The following SH3D19 variants were observed in gnomAD, a reference collection of about 807,000 sequenced individuals.
SH3D19 encodes the protein SH3 domain-containing protein 19.
In SH3D19, 58 loss-of-function variants were observed where a neutral mutation model predicts 112.1. The observed-to-expected ratio is 0.52, with a 90% CI of 0.42 to 0.64. The LOEUF (loss-of-function observed/expected upper bound fraction) is 0.64, where lower values mean the gene tolerates loss of function less well. SH3D19 is among the 30% of genes least tolerant of loss of function. The probability of loss-of-function intolerance (pLI) is 0.00; values close to 1 mark genes in which losing one functional copy is unlikely to be tolerated. For missense variants in SH3D19, 1,090 were observed against 1,263.4 expected, an observed-to-expected ratio of 0.86 and a Z score of 2.08; for synonymous variants, 391 against 448.5, an observed-to-expected ratio of 0.87 and a Z score of 1.62.
intron 3 of SH3D19, among the ~76,000 whole-genome samples, chr4:151,180,929 A>ATTTTTTT (rs67090009): frequency 7.6e-6 from 1 of 132,050 alleles, no homozygotes; most frequent in Non-Finnish European, 1.6e-5. Flanking sequence ...ATGCCCGGCT[A>ATTTTTTT]TTTTTTTTTT....
intron 1 of SH3D19, chr4:151,265,975 C>T (rs1336404941): frequency 1.3e-5 from 2 of 152,070 alleles, no homozygotes; most frequent in Non-Finnish European, 2.9e-5. Context: ...ATTGCCCACC[C>T]CTTGCCCACA....
At chr4:151,309,783 A>G (rs929761656) in intron 1 of SH3D19, among the ~76,000 whole-genome samples, 1 of 150,594 alleles carries the variant, frequency 6.6e-6, no homozygotes, top group Admixed American at 6.6e-5. Context: ...TGAGTCCAGA[A>G]GTTCTAGGCC....
intron 13 of SH3D19, 60 bp downstream of exon 13, chr4:151,139,715 A>C: frequency 6.7e-7 from 1 of 1,486,550 alleles, no homozygotes; most frequent in African/African-American, 1.4e-5. Context: ...AACCCCCGGC[A>C]GGGAAAAAGA....
intron 1 of SH3D19, among the ~76,000 whole-genome samples, chr4:151,311,430 C>G (rs934103034): frequency 2.6e-5 from 4 of 151,914 alleles, no homozygotes; most frequent in African/African-American, 9.7e-5. Flanking sequence ...CTGCCACTTG[C>G]GACCACATGG....
At chr4:151,284,278 C>T (rs1168519308) in intron 1 of SH3D19, among the ~76,000 whole-genome samples, 4 of 152,070 alleles carry the variant, frequency 2.6e-5, no homozygotes, top group Non-Finnish European at 5.9e-5. Context: ...TCTCTCTGTT[C>T]TTCAAATTGG....
At chr4:151,147,205 G>C (rs901636493) in intron 11 of SH3D19, among the ~76,000 whole-genome samples, 3 of 152,212 alleles carry the variant, frequency 2.0e-5, no homozygotes, top group Non-Finnish European at 4.4e-5. Context: ...TATGATTGCA[G>C]CAGTGCACTA....
intron 15 of SH3D19, among the ~76,000 whole-genome samples, chr4:151,134,683 T>A (rs528304375): frequency 6.6e-6 from 1 of 152,358 alleles, no homozygotes; most frequent in South Asian, 2.1e-4. Flanking sequence ...TTTCTTTATG[T>A]CCTGCACTGA....
intron 2 of SH3D19, among the ~76,000 whole-genome samples, chr4:151,217,576 G>A (rs746685930): frequency 7.2e-5 from 11 of 152,004 alleles, no homozygotes; most frequent in African/African-American, 1.9e-4. Flanking sequence ...ACACCAGGAA[G>A]CTATCTGAGA....
chr4:151,250,883 C>T (rs7665657), intron 1 of SH3D19, among the ~76,000 whole-genome samples: 49,852 of 151,950 alleles, frequency 0.33, 9,487 homozygotes, highest in Non-Finnish European at 0.44. Context: ...TGGCTGGATA[C>T]GTCGTTAGCT....
At chr4:151,303,293 G>T (rs532969473) in intron 1 of SH3D19, among the ~76,000 whole-genome samples, 1 of 152,092 alleles carries the variant, frequency 6.6e-6, no homozygotes, top group African/African-American at 2.4e-5. Flanking sequence ...ATCTTCAGAG[G>T]AAACACAATT....
intron 1 of SH3D19, among the ~76,000 whole-genome samples, chr4:151,324,441 T>C (rs1312678884): frequency 6.6e-6 from 1 of 152,162 alleles, no homozygotes; most frequent in Non-Finnish European, 1.5e-5. Flanking sequence ...TGTTCTTCCC[T>C]CTTGTTTTCA....
intron 1 of SH3D19, among the ~76,000 whole-genome samples, chr4:151,265,069 TAATA>T (rs142255672): frequency 0.01 from 1,581 of 152,124 alleles, 26 homozygotes; most frequent in African/African-American, 0.036. Context: ...AATTACATAA[TAATA>T]AATTAATTAA....
At chr4:151,288,212 G>C (rs77440778) in intron 1 of SH3D19, among the ~76,000 whole-genome samples, 5,630 of 152,220 alleles carry the variant, frequency 0.037, 315 homozygotes, top group African/African-American at 0.13. Flanking sequence ...ATAAGGTCAG[G>C]AAAGAGACAA....
intron 4 of SH3D19, among the ~76,000 whole-genome samples, chr4:151,177,337 C>CTGT (rs1483286505): frequency 6.6e-6 from 1 of 152,092 alleles, no homozygotes; most frequent in Admixed American, 6.5e-5. Context: ...AATTGTTTTT[C>CTGT]TGTTATTATT....
intron 1 of SH3D19, among the ~76,000 whole-genome samples, chr4:151,254,806 C>G (rs538788057): frequency 5.3e-5 from 8 of 151,944 alleles, no homozygotes; most frequent in Admixed American, 2.0e-4. Flanking sequence ...CCGCCATTGT[C>G]ATCCTGGCCC....
intron 1 of SH3D19, among the ~76,000 whole-genome samples, chr4:151,237,057 G>A (rs116654869): frequency 0.02 from 3,052 of 152,268 alleles, 58 homozygotes; most frequent in Middle Eastern, 0.034. Flanking sequence ...GATAAACCTT[G>A]CTGCTGCTCA....
intron 7 of SH3D19, among the ~76,000 whole-genome samples, chr4:151,167,352 A>G (rs1758218086): frequency 6.6e-6 from 1 of 151,930 alleles, no homozygotes; most frequent in African/African-American, 2.4e-5. Flanking sequence ...TTTGTTGTAA[A>G]AGTGAGAAAC....
chr4:151,313,983 AT>A, intron 1 of SH3D19, among the ~76,000 whole-genome samples: 1 of 152,292 alleles, frequency 6.6e-6, no homozygotes, highest in East Asian at 1.9e-4. Context: ...TTGTACAAAC[AT>A]TTTCTTCTGA....
At chr4:151,207,869 A>C (rs1289630436) in intron 2 of SH3D19, among the ~76,000 whole-genome samples, 1 of 152,248 alleles carries the variant, frequency 6.6e-6, no homozygotes, top group African/African-American at 2.4e-5. Context: ...ACTAACAAAC[A>C]TCAAACTGAT....
Sources: gnomAD v4.1 joint callset for allele counts (sites outside exome capture counted in the v4.1 genomes callset) on GRCh38, gnomAD v4.1.1 for gene constraint, MANE v1.5 for transcripts, NCBI Gene and HGNC (gene_info 2026-07-23, HGNC 2026-07-21) for gene names.